Variants in ERGIC1 observed in about 807,000 individuals in gnomAD.
ERGIC1 encodes endoplasmic reticulum-golgi intermediate compartment 1.
A neutral mutation model predicts 38.3 loss-of-function variants in ERGIC1; 19 were observed. The observed-to-expected ratio is 0.50, with a 90% CI of 0.35 to 0.73. The LOEUF (loss-of-function observed/expected upper bound fraction) is 0.73. Ranked by LOEUF, ERGIC1 falls within the 30% of genes least tolerant of loss-of-function variation. The pLI, the probability that ERGIC1 is intolerant of heterozygous loss-of-function variation, is 0.01. For missense variants in ERGIC1, 294 were observed against 389.2 expected (o/e 0.76, Z 2.06); for synonymous variants, 124 against 157.6 (o/e 0.79, Z 1.60).
intron 1 of ERGIC1, among the ~76,000 whole-genome samples, chr5:172,877,436 G>GTA (rs761153164): frequency 2.4e-5 from 3 of 122,474 alleles, no homozygotes; most frequent in South Asian, 5.4e-4. Context: ...GTGTGTGTGT[G>GTA]TGTGTATATA....
chr5:172,923,623 C>T (rs772989995), intron 5 of ERGIC1, among the ~76,000 whole-genome samples: 1 of 152,154 alleles, frequency 6.6e-6, no homozygotes, highest in African/African-American at 2.4e-5. Context: ...GAGGAATCCC[C>T]ATTAGTCTGC....
At chr5:172,902,463 G>A (rs1008904797) in intron 3 of ERGIC1, among the ~76,000 whole-genome samples, 1 of 152,214 alleles carries the variant, frequency 6.6e-6, no homozygotes, top group Non-Finnish European at 1.5e-5. Context: ...GTCTGAGTGT[G>A]GAGTGACGGG....
chr5:172,902,970 TC>T (rs1023539024), intron 3 of ERGIC1, among the ~76,000 whole-genome samples: 4 of 150,914 alleles, frequency 2.7e-5, no homozygotes, highest in Admixed American at 2.6e-4. Context: ...CCATTTACAC[TC>T]CCCCCACCCA....
At chr5:172,915,597 A>G (rs1165260122) in intron 5 of ERGIC1, 1 of 471,184 alleles carries the variant, frequency 2.1e-6, no homozygotes, top group Admixed American at 2.3e-5. Context: ...GGCAGCTGGC[A>G]GGGTTTTGCT....
chr5:172,874,807 C>T (rs1270942337), intron 1 of ERGIC1, among the ~76,000 whole-genome samples: 1 of 151,702 alleles, frequency 6.6e-6, no homozygotes. Context: ...TGCGCTTGTC[C>T]TAGCTCCTTG....
intron 2 of ERGIC1, among the ~76,000 whole-genome samples, chr5:172,889,024 C>CG (rs1762492668): frequency 6.6e-6 from 1 of 152,186 alleles, no homozygotes; most frequent in Non-Finnish European, 1.5e-5. Flanking sequence ...GTGGCTCACG[C>CG]CTGTAATCCC....
At chr5:172,895,798 A>G (rs1199435742) in intron 2 of ERGIC1, among the ~76,000 whole-genome samples, 4 of 152,098 alleles carry the variant, frequency 2.6e-5, no homozygotes, top group Non-Finnish European at 5.9e-5. Context: ...GCAAAGGAAC[A>G]GAAATGAAAG....
intron 1 of ERGIC1, among the ~76,000 whole-genome samples, chr5:172,866,583 G>A (rs1204331181): frequency 1.3e-5 from 2 of 152,230 alleles, no homozygotes; most frequent in Admixed American, 1.3e-4. Context: ...CCTTTTCCCT[G>A]TACTAACATG....
In ERGIC1 at chr5:172,846,374, C is replaced by T. The variant is rs545695308; in HGVS notation, c.20+11941C>T. 3.9e-5 allele frequency among the ~76,000 whole-genome samples: 6 copies of T among 152,336 alleles called. No individual in the cohort carries two copies. Among genetic ancestry groups the T allele is most frequent in the African/African-American group, 9.6e-5 (4 of 41,576 alleles). ...TTTGAGTCACTTCTGAGCCCAGCAG[C>T]GTAAGATGGGGCAGGAGAAGGAGCT... On this transcript the variant is annotated intron_variant, in intron 1 of 9. Transcript: ENST00000393784. This position sits in a 1 kb window ranked among gnomAD's most constrained non-coding sequence, Gnocchi z 4.0.
chr5:172,884,024 C>T (rs2113236056), intron 1 of ERGIC1, among the ~76,000 whole-genome samples: 1 of 152,252 alleles, frequency 6.6e-6, no homozygotes, highest in Admixed American at 6.5e-5. Flanking sequence ...TTCTCCACTG[C>T]ACAGTTACTC....
chr5:172,926,802 G>T lies in ERGIC1; in HGVS notation c.541+233G>T. On this transcript the variant is annotated intron_variant, in intron 7 of 9. Transcript: ENST00000393784. The surrounding 1 kb of genome is among the most constrained non-coding windows in gnomAD (Gnocchi z 5.2). ...TTGTCCCGGGGCACAGCAGACGCACGCACGCAGTGGATACCAGCTATTACC... is the reference window on the plus strand; with the variant it reads ...TTGTCCCGGGGCACAGCAGACGCACTCACGCAGTGGATACCAGCTATTACC... The T allele has an allele frequency of 1.8e-6, 1 of 565,108 alleles. No homozygotes were observed. Among genetic ancestry groups the T allele is most frequent in the Non-Finnish European group, 3.2e-6 (1 of 314,086 alleles). 35.0% of individuals were successfully genotyped at this position (565,108 alleles called of 1,614,324 possible).
intron 1 of ERGIC1, among the ~76,000 whole-genome samples, chr5:172,875,599 C>G (rs1286966171): frequency 6.6e-6 from 1 of 152,082 alleles, no homozygotes; most frequent in African/African-American, 2.4e-5. Context: ...TACCTATTGC[C>G]TGTGGGCTTT....
At chr5:172,915,040 A>G (rs1467520437) in intron 5 of ERGIC1, 1 of 800,740 alleles carries the variant, frequency 1.2e-6, no homozygotes, top group Non-Finnish European at 2.2e-6. Context: ...TAAGCCCCTG[A>G]TGGCTGGTTC....
At chr5:172,856,948 A>C (rs1212935288) in intron 1 of ERGIC1, among the ~76,000 whole-genome samples, 4 of 152,226 alleles carry the variant, frequency 2.6e-5, no homozygotes, top group Non-Finnish European at 4.4e-5. Flanking sequence ...AGCATACTGC[A>C]GGCCTGTAGA....
intron 1 of ERGIC1, among the ~76,000 whole-genome samples, chr5:172,851,865 C>T (rs764415895): frequency 3.3e-5 from 5 of 152,122 alleles, no homozygotes; most frequent in African/African-American, 1.2e-4. Flanking sequence ...ATTTGCAAAA[C>T]AAGAGTAATG....
intron 1 of ERGIC1, among the ~76,000 whole-genome samples, chr5:172,864,268 C>CTTTTTT (rs60390189): frequency 2.0e-4 from 14 of 71,160 alleles, no homozygotes; most frequent in African/African-American, 6.6e-4. Context: ...ATTTTGTAGT[C>CTTTTTT]TTTTTTTTTT....
At chr5:172,848,116 C>T (rs1329302942) in intron 1 of ERGIC1, among the ~76,000 whole-genome samples, 1 of 152,208 alleles carries the variant, frequency 6.6e-6, no homozygotes, top group Non-Finnish European at 1.5e-5. Flanking sequence ...GAGAGCTGAA[C>T]AGGGAATAAC....
chr5:172,864,113 C>T (rs1761789709), intron 1 of ERGIC1, among the ~76,000 whole-genome samples: 1 of 151,968 alleles, frequency 6.6e-6, no homozygotes, highest in Non-Finnish European at 1.5e-5. Context: ...AGGAGAATCG[C>T]TTGAACCCGG....
chr5:172,906,545 C>T (rs1763030618), intron 3 of ERGIC1, among the ~76,000 whole-genome samples: 2 of 152,150 alleles, frequency 1.3e-5, no homozygotes, highest in South Asian at 2.1e-4. Context: ...TCAGAGCCCA[C>T]CGTTCCTTGT....
Sources: allele counts gnomAD v4.1 joint callset (sites outside exome capture counted in the v4.1 genomes callset), GRCh38; gene constraint gnomAD v4.1.1; non-coding constraint Gnocchi (gnomAD v3.1); transcripts MANE v1.5; gene names NCBI Gene and HGNC (gene_info 2026-07-23, HGNC 2026-07-21).